PGR: variants seen among roughly 807,000 people sequenced by gnomAD.
PGR encodes progesterone receptor, also known as nuclear receptor subfamily 3 group C member 3.
A neutral mutation model predicts 76.1 loss-of-function variants in PGR; 25 were observed. The ratio of observed to expected loss-of-function variants is 0.33; its 90% CI spans 0.24 to 0.46. The LOEUF (loss-of-function observed/expected upper bound fraction) is 0.46. Ranked by LOEUF, PGR falls within the 20% of genes least tolerant of loss-of-function variation. The pLI is 1.00. For synonymous variants in PGR, 579 were observed against 535.0 expected, an observed-to-expected ratio of 1.08 and a Z score of -1.14; for missense variants, 1,172 against 1,225.3, an observed-to-expected ratio of 0.96 and a Z score of 0.65.
intron 3 of PGR, among the ~76,000 whole-genome samples, chr11:101,074,420 A>T (rs575877762): frequency 7.9e-5 from 12 of 152,306 alleles, no homozygotes; most frequent in African/African-American, 2.9e-4. Context: ...CCAGCACAAG[A>T]CAGGGATGTC....
intron 3 of PGR, among the ~76,000 whole-genome samples, chr11:101,075,414 A>C (rs1017270219): frequency 6.6e-6 from 1 of 152,136 alleles, no homozygotes; most frequent in Admixed American, 6.5e-5. Flanking sequence ...GCATGGGCAA[A>C]GACTTCATGA....
chr11:101,032,764 A>T lies in PGR; in HGVS notation c.*6352T>A, dbSNP rs1859391003. 1 of 198,428 alleles carries T rather than the reference A, an allele frequency of 5.0e-6. No individual in the cohort carries two copies. Among genetic ancestry groups the T allele is most frequent in the South Asian group, 1.9e-4 (1 of 5,234 alleles). The allele number at this position is 198,428 out of a possible 1,614,324, so 12.3% of individuals were successfully genotyped here. On this transcript the variant is annotated 3_prime_UTR_variant, in exon 8 of 8. Coordinates refer to ENST00000325455, the MANE Select transcript of PGR (RefSeq NM_000926.4). ...TACTTCCTCCAGCATAAGCATTCAC[A>T]GTACAATATTGTAGCTATCTGTTTA...
Position 101,042,101 on chromosome 11 carries a change from A to T in PGR, c.2490T>A (p.Ile830=). 1 of 1,613,286 alleles carries T rather than the reference A, an allele frequency of 6.2e-7. No homozygotes were observed. Among genetic ancestry groups the T allele is most frequent in the Non-Finnish European group, 8.5e-7 (1 of 1,179,498 alleles). Residue 830 remains isoleucine, a splice_region_variant and synonymous_variant, in exon 7 of 8, where the codon ATT becomes ATA. Coordinates refer to ENST00000325455, the MANE Select transcript of PGR (RefSeq NM_000926.4). ...TTTGACTTCGTAGCCCTTCCAAAGG[A>T]ACTGTTAAGAAGACAATTAAAAGTG... ...CMKVLLLLNT[I]PLEGLRSQTQ... is the part of the protein sequence containing the mutation.
chr11:101,077,690 C>A (rs537534006), intron 3 of PGR, among the ~76,000 whole-genome samples: 16 of 152,214 alleles, frequency 1.1e-4, no homozygotes, highest in Non-Finnish European at 1.9e-4. Context: ...AATGAATAGT[C>A]TGAGGACCAT....
intron 2 of PGR, among the ~76,000 whole-genome samples, chr11:101,113,878 C>G (rs1433420838): frequency 6.6e-6 from 1 of 152,146 alleles, no homozygotes; most frequent in Non-Finnish European, 1.5e-5. Context: ...CTTGCCCCAG[C>G]TGCTAGCCTA....
intron 3 of PGR, among the ~76,000 whole-genome samples, chr11:101,066,828 A>G (rs1276650715): frequency 6.6e-6 from 1 of 152,094 alleles, no homozygotes; most frequent in Non-Finnish European, 1.5e-5. Context: ...CCCAAATCCA[A>G]ATACCTGTTT....
chr11:101,117,715 C>G (rs368591230), intron 2 of PGR, among the ~76,000 whole-genome samples: 3 of 152,004 alleles, frequency 2.0e-5, no homozygotes, highest in African/African-American at 7.2e-5. Context: ...CAAAAATAAA[C>G]GTTTCTTAAT....
intron 3 of PGR, among the ~76,000 whole-genome samples, chr11:101,065,503 T>G (rs1328819811): frequency 2.0e-5 from 3 of 152,070 alleles, no homozygotes; most frequent in Non-Finnish European, 4.4e-5. Context: ...CATTTGTTGA[T>G]TGAGAAAATA....
intron 2 of PGR, 130 bp downstream of exon 2, chr11:101,125,877 T>A: frequency 2.4e-6 from 2 of 823,156 alleles, no homozygotes; most frequent in South Asian, 1.6e-5. Context: ...AATGTCATCA[T>A]ATATTTTAAA....
intron 1 of PGR, among the ~76,000 whole-genome samples, 157 bp downstream of exon 1, chr11:101,127,277 G>C (rs1479054410): frequency 6.6e-6 from 1 of 152,190 alleles, no homozygotes; most frequent in Non-Finnish European, 1.5e-5. Flanking sequence ...AAGAAGGGAG[G>C]CAACTGCCCC....
Position 101,127,598 on chromosome 11 carries a change from C to A in PGR, c.1473G>T (p.Pro491=), listed in dbSNP as rs967888219. 4 of 1,302,096 alleles carry A rather than the reference C, an allele frequency of 3.1e-6. No homozygotes were observed. The highest frequency in any genetic ancestry group is 2.9e-6 in the Non-Finnish European group (3 of 1,034,302). The allele number at this position is 1,302,096 out of a possible 1,614,324, so 80.7% of individuals were successfully genotyped here. A position where few individuals can be genotyped will look rare whatever the true frequency, so the allele number is the denominator to read the frequency against. The change falls in exon 1 of 8, where the codon CCG becomes CCT. Residue 491 remains proline, a synonymous_variant. Transcript: ENST00000325455. ...CGGAGGTGGAGGGCAGGCCGTCCCG[C>A]GGGAGCAGGCAGCCGCTCGCGCCCG... ...KAPGASGCLL[P]RDGLPSTSAS...
At chr11:101,075,198 C>T (rs937974485) in intron 3 of PGR, among the ~76,000 whole-genome samples, 5 of 152,072 alleles carry the variant, frequency 3.3e-5, no homozygotes, top group Non-Finnish European at 7.4e-5. Flanking sequence ...TTTGACAAAT[C>T]TGACCAAAAA....
chr11:101,108,680 C>G (rs1489201916), intron 2 of PGR, among the ~76,000 whole-genome samples: 1 of 152,112 alleles, frequency 6.6e-6, no homozygotes, highest in Non-Finnish European at 1.5e-5. Flanking sequence ...TACTAACTGG[C>G]TAGGTATCTT....
At chr11:101,116,160 GT>G (rs1862499987) in intron 2 of PGR, among the ~76,000 whole-genome samples, 1 of 152,202 alleles carries the variant, frequency 6.6e-6, no homozygotes, top group Non-Finnish European at 1.5e-5. Context: ...TTGAGATTGT[GT>G]GTGAGGAATT....
At chr11:101,105,919 A>G (rs970343630) in intron 2 of PGR, among the ~76,000 whole-genome samples, 2 of 152,086 alleles carry the variant, frequency 1.3e-5, no homozygotes, top group African/African-American at 4.8e-5. Context: ...CAGAAATAAC[A>G]CCACACATAT....
At chr11:101,093,234 C>A (rs1378145436) in intron 2 of PGR, among the ~76,000 whole-genome samples, 5 of 152,210 alleles carry the variant, frequency 3.3e-5, no homozygotes, top group African/African-American at 1.2e-4. Flanking sequence ...CATATCTTTG[C>A]TGACTTTTGT....
Position 101,129,152 on chromosome 11 carries a change from G to T in PGR, c.-82C>A. On this transcript the variant is annotated 5_prime_UTR_variant, in exon 1 of 8. Transcript: ENST00000325455. The stretch of plus-strand genomic sequence containing the variant: ...GAGGAGGGGGTTTCGGGAATATAGG[G>T]GCAGAGGGAGGAGAAAGTGGGTGTT... The T allele has an allele frequency of 8.3e-7, 1 of 1,210,416 alleles. No homozygotes were observed. The highest frequency in any genetic ancestry group is 1.7e-5 in the South Asian group (1 of 60,112). 75.0% of individuals were successfully genotyped at this position (1,210,416 alleles called of 1,614,324 possible).
At chr11:101,062,794 A>C in intron 3 of PGR, 42 bp from the exon 4 acceptor site, 2 of 1,318,014 alleles carry the variant, frequency 1.5e-6, no homozygotes, top group South Asian at 1.2e-5. Context: ...AATATATATA[A>C]ACTCCATATC....
At chr11:101,064,843 GAT>G (rs1042472113) in intron 3 of PGR, among the ~76,000 whole-genome samples, 1 of 152,138 alleles carries the variant, frequency 6.6e-6, no homozygotes, top group African/African-American at 2.4e-5. Flanking sequence ...GTTTTCATAA[GAT>G]AGTATTTTTT....
Sources: gnomAD v4.1 joint callset for allele counts (sites outside exome capture counted in the v4.1 genomes callset) on GRCh38, gnomAD v4.1.1 for gene constraint, MANE v1.5 for transcripts, NCBI Gene and HGNC (gene_info 2026-07-23, HGNC 2026-07-21) for gene names.